FLNB: variants seen among roughly 807,000 people sequenced by gnomAD.
FLNB encodes filamin-B.
FLNB carries 111 observed loss-of-function variants against 250.6 expected under a neutral mutation model. The ratio of observed to expected loss-of-function variants is 0.44; its 90% CI spans 0.38 to 0.52. The LOEUF is 0.52. Ranked by LOEUF, FLNB falls within the 20% of genes least tolerant of loss-of-function variation. The pLI is 0.00. For synonymous variants in FLNB, 1,302 were observed against 1,372.1 expected, an observed-to-expected ratio of 0.95 and a Z score of 1.13; for missense variants, 2,869 against 3,447.8, an observed-to-expected ratio of 0.83 and a Z score of 4.20.
chr3:58,094,937 G>A lies in FLNB; in HGVS notation c.889G>A (p.Glu297Lys). The change falls in exon 5 of 46, where the codon GAA (glutamate) becomes AAA (lysine). Residue 297 changes from glutamate to lysine, a missense_variant. By Grantham distance (56) the Glu-to-Lys change is moderately conservative. This residue lies in a region of FLNB where 308 missense variants were observed against 466.1 expected (regional missense o/e 0.66). Coordinates refer to ENST00000295956, the MANE Select transcript of FLNB (RefSeq NM_001457.4). ...GDVMVFVEDP[E>K]GNKEEAQVTP... Reference sequence around the variant, plus strand: ...CGTGATGGTGTTTGTTGAGGACCCAGAAGGGAACAAAGAGGAGGTATGTTG... The same window carrying A: ...CGTGATGGTGTTTGTTGAGGACCCAAAAGGGAACAAAGAGGAGGTATGTTG... 2 of 1,613,950 alleles carry A rather than the reference G, an allele frequency of 1.2e-6. No individual in the cohort carries two copies. Among genetic ancestry groups the A allele is most frequent in the Non-Finnish European group, 1.7e-6 (2 of 1,179,814 alleles).
In FLNB at chr3:58,142,901, C is replaced by T; in HGVS notation, c.5284+149C>T. ...TTGGTCTCCGGTGTTGGGCCGTGGG[C>T]TCCTGAAACTACAGAATATGCCACG... On this transcript the variant is annotated intron_variant, in intron 31 of 45. Transcript: ENST00000295956. The surrounding 1 kb of genome is among the most constrained non-coding windows in gnomAD (Gnocchi z 4.3). 1 of 688,830 alleles carries T rather than the reference C, an allele frequency of 1.5e-6. No individual in the cohort carries two copies. The highest frequency in any genetic ancestry group is 2.6e-6 in the Non-Finnish European group (1 of 389,298). The allele number at this position is 688,830 out of a possible 1,614,324, so 42.7% of individuals were successfully genotyped here.
At chr3:58,137,615 A>G (rs1306037438) in intron 28 of FLNB, among the ~76,000 whole-genome samples, 1 of 152,184 alleles carries the variant, frequency 6.6e-6, no homozygotes. Context: ...GCTTTTCTGC[A>G]TTTCCTGATA....
At position 58,081,727 on chromosome 3, in the gene FLNB, T is replaced by C. The variant is rs576985217; in HGVS notation, c.738T>C (p.Ala246=). ...CCAAAGCCAAGCTCAAGCCGGGGGC[T>C]CCTCTCAAACCCAAACTCAACCCGA... The part of the protein sequence containing the change: ...QFPKAKLKPG[A]PLKPKLNPKK... The change falls in exon 4 of 46, where the codon GCT becomes GCC. Residue 246 remains alanine, a synonymous_variant. Coordinates refer to ENST00000295956, the MANE Select transcript of FLNB (RefSeq NM_001457.4). The C allele has an allele frequency of 1.2e-6, 2 of 1,614,096 alleles. No homozygotes were observed. The highest frequency in any genetic ancestry group is 4.5e-5 in the East Asian group (2 of 44,876).
chr3:58,112,658 C>CACACAT (rs2097270933), intron 18 of FLNB, among the ~76,000 whole-genome samples: 1 of 152,252 alleles, frequency 6.6e-6, no homozygotes, highest in African/African-American at 2.4e-5. Context: ...TGCACACACA[C>CACACAT]ACACATACAC....
At chr3:58,078,552 C>T in intron 2 of FLNB, 165 bp from the exon 3 acceptor site, 3 of 1,534,244 alleles carry the variant, frequency 2.0e-6, no homozygotes, top group South Asian at 1.2e-5. Context: ...CTGGCACACT[C>T]ATACCTGTGA....
chr3:58,152,958 C>CCTG, intron 38 of FLNB: 1 of 319,614 alleles, frequency 3.1e-6, no homozygotes. Flanking sequence ...TTGCTCAAAG[C>CCTG]TTTGCTCACG....
Position 58,109,607 on chromosome 3 carries a change from A to G in FLNB, c.2231A>G (p.Lys744Arg), listed in dbSNP as rs749520238. The G allele has an allele frequency of 1.4e-5, 23 of 1,614,078 alleles. No homozygotes were observed. In the South Asian group the frequency reaches 1.9e-4, roughly 13 times the overall value. ...VNIGQGSHPQ[K>R]VKVFGPGVER... ...ATCGGGCAAGGTAGCCATCCTCAGA[A>G]GGTCAAAGTGTTTGGGCCAGGTGTG... The change falls in exon 15 of 46, where the codon AAG becomes AGG. Residue 744 changes from lysine (K) to arginine (R), a missense_variant. Coordinates refer to ENST00000295956, the MANE Select transcript of FLNB (RefSeq NM_001457.4).
At position 58,109,175 on chromosome 3, in the gene FLNB, G is replaced by A. The variant is rs1259345421; in HGVS notation, c.2056-4G>A. 6.2e-7 allele frequency: 1 copy of A among 1,614,050 alleles called. No individual in the cohort carries two copies. Among genetic ancestry groups the A allele is most frequent in the Non-Finnish European group, 8.5e-7 (1 of 1,180,028 alleles). On this transcript the variant is annotated splice_region_variant and splice_polypyrimidine_tract_variant and intron_variant, in intron 13 of 45. Coordinates refer to ENST00000295956, the MANE Select transcript of FLNB (RefSeq NM_001457.4). ...CTCTGGTCCTAGCTCTGGCTTTTTTGCAGGATGGGGAAGGCCAACGCATTG... is the reference window on the plus strand; with the variant it reads ...CTCTGGTCCTAGCTCTGGCTTTTTTACAGGATGGGGAAGGCCAACGCATTG...
At chr3:58,146,572 G>C in intron 33 of FLNB, 1 of 515,100 alleles carries the variant, frequency 1.9e-6, no homozygotes, top group Non-Finnish European at 3.5e-6. Context: ...CATGCATCCT[G>C]AGAGTAGAGA....
At chr3:58,042,404 G>C (rs2097147370) in intron 1 of FLNB, among the ~76,000 whole-genome samples, 1 of 148,582 alleles carries the variant, frequency 6.7e-6, no homozygotes, top group African/African-American at 2.5e-5. Context: ...CTAGGGTGCA[G>C]TGGCATGATC....
At chr3:58,016,041 T>C (rs2097105242) in intron 1 of FLNB, among the ~76,000 whole-genome samples, 1 of 151,136 alleles carries the variant, frequency 6.6e-6, no homozygotes, top group Non-Finnish European at 1.5e-5. Context: ...TGGGGTATGC[T>C]CCTTGAGTTT....
intron 1 of FLNB, among the ~76,000 whole-genome samples, chr3:58,036,402 A>G (rs1234164118): frequency 6.6e-6 from 1 of 152,064 alleles, no homozygotes; most frequent in Non-Finnish European, 1.5e-5. Flanking sequence ...GGGGCTCAGG[A>G]AGTGGGGAGT....
intron 18 of FLNB, among the ~76,000 whole-genome samples, chr3:58,113,650 G>C (rs1445188208): frequency 6.6e-6 from 1 of 152,164 alleles, no homozygotes; most frequent in African/African-American, 2.4e-5. Context: ...GCTTGCTGCT[G>C]TTTGTGCTTT....
intron 1 of FLNB, among the ~76,000 whole-genome samples, chr3:58,025,280 C>T (rs1198077128): frequency 1.3e-5 from 2 of 151,730 alleles, no homozygotes; most frequent in African/African-American, 4.8e-5. Flanking sequence ...CAGGCACACA[C>T]CACCACACCC....
rs375297038 is a variant in FLNB at position 58,039,521 on chromosome 3, C to A, written c.292+30665C>A. On this transcript the variant is annotated intron_variant, in intron 1 of 45. Transcript: ENST00000295956. ...CTGGGGGGATCTAGGTCACCACCCC[C>A]CTTGCCTTGTTTTCCCAGCTAGTGC... Among the ~76,000 whole-genome samples the A allele has an allele frequency of 5.3e-5, 8 of 152,292 alleles. No homozygotes were observed. In the East Asian group the frequency reaches 1.5e-3, roughly 29 times the overall value.
chr3:58,060,861 A>C (rs13067224), intron 1 of FLNB, among the ~76,000 whole-genome samples: 7 of 151,694 alleles, frequency 4.6e-5, no homozygotes, highest in Admixed American at 4.6e-4. Context: ...AAATGACTCC[A>C]TCTTTTGCAA....
intron 4 of FLNB, among the ~76,000 whole-genome samples, chr3:58,087,640 T>A (rs2097219311): frequency 2.1e-5 from 3 of 146,036 alleles, no homozygotes; most frequent in Admixed American, 6.8e-5. Context: ...TTAGTAGAGA[T>A]GGGGTTTCAC....
intron 1 of FLNB, among the ~76,000 whole-genome samples, chr3:58,042,345 G>GTTT (rs541022128): frequency 3.8e-5 from 5 of 130,516 alleles, no homozygotes; most frequent in African/African-American, 9.0e-5. Flanking sequence ...GTCTCTGTAG[G>GTTT]TTTTTTTTTT....
intron 1 of FLNB, among the ~76,000 whole-genome samples, chr3:58,028,083 C>T (rs72882411): frequency 0.014 from 2,104 of 152,310 alleles, 46 homozygotes; most frequent in African/African-American, 0.047. Flanking sequence ...AAGAGAATAA[C>T]GTCTTTTTGT....
Sources: allele counts gnomAD v4.1 joint callset (sites outside exome capture counted in the v4.1 genomes callset), GRCh38; gene constraint gnomAD v4.1.1; regional missense constraint gnomAD v4.1.1; non-coding constraint Gnocchi (gnomAD v3.1); transcripts MANE v1.5; gene names NCBI Gene and HGNC (gene_info 2026-07-23, HGNC 2026-07-21).